B3GALT1: variants seen among roughly 807,000 people sequenced by gnomAD.
The protein encoded by B3GALT1 is beta-1,3-galactosyltransferase 1.
In B3GALT1, 10 loss-of-function variants were observed where a neutral mutation model predicts 23.2. The observed-to-expected ratio is 0.43, with a 90% CI of 0.27 to 0.73. B3GALT1 has a LOEUF of 0.73. Among genes scored for constraint, B3GALT1 ranks in the 30% least tolerant of loss-of-function variants. The pLI is 0.21. For synonymous variants in B3GALT1, 156 were observed against 141.5 expected, an observed-to-expected ratio of 1.10 and a Z score of -0.73; for missense variants, 299 against 405.4, an observed-to-expected ratio of 0.74 and a Z score of 2.25.
intron 4 of B3GALT1, among the ~76,000 whole-genome samples, chr2:167,822,327 A>G (rs1689124841): frequency 6.6e-6 from 1 of 152,230 alleles, no homozygotes; most frequent in African/African-American, 2.4e-5. Context: ...AGAGCTGGTT[A>G]TAATAGGCTG....
chr2:167,667,874 T>C (rs1042373989), intron 3 of B3GALT1, among the ~76,000 whole-genome samples: 2 of 152,244 alleles, frequency 1.3e-5, no homozygotes, highest in Non-Finnish European at 2.9e-5. Context: ...AGTTTTCAAC[T>C]TCTTTGCCTT....
rs751527173 is a variant in B3GALT1, at chr2:167,870,278, A to G, written c.*258A>G. 7.7e-5 allele frequency: 27 copies of G among 348,750 alleles called. No individual in the cohort carries two copies. Among genetic ancestry groups the G allele is most frequent in the Non-Finnish European group, 8.7e-5 (16 of 184,146 alleles). The allele number at this position is 348,750 out of a possible 1,614,324, so 21.6% of individuals were successfully genotyped here. On this transcript the variant is annotated 3_prime_UTR_variant, in exon 5 of 5. Coordinates refer to ENST00000392690, the MANE Select transcript of B3GALT1 (RefSeq NM_020981.4). Reference sequence around the variant, plus strand: ...TATTTATCTCAAAAAGTGACTTCCAAACAACTCTTAGGATTGACGTACCGT... The same window carrying G: ...TATTTATCTCAAAAAGTGACTTCCAGACAACTCTTAGGATTGACGTACCGT...
chr2:167,507,112 A>T (rs1171314337), intron 2 of B3GALT1, among the ~76,000 whole-genome samples: 4 of 152,152 alleles, frequency 2.6e-5, no homozygotes, highest in Admixed American at 1.3e-4. Flanking sequence ...AATATTTCTT[A>T]AAAAAATACA....
In B3GALT1 at chr2:167,850,629, G is replaced by T. The variant is rs569027731; in HGVS notation, c.-229-18182G>T. On this transcript the variant is annotated intron_variant, in intron 4 of 4. Transcript: ENST00000392690. ...CAGCATAATTCACAATTGCAAGATTGTGGAACCAACCCAAATGCCCATCAA... is the reference window on the plus strand; with the variant it reads ...CAGCATAATTCACAATTGCAAGATTTTGGAACCAACCCAAATGCCCATCAA... Among the ~76,000 whole-genome samples the T allele has an allele frequency of 3.3e-5, 5 of 152,326 alleles. No individual in the cohort carries two copies. In the South Asian group the frequency reaches 1.0e-3, roughly 32 times the overall value.
chr2:167,776,052 A>ACACACG (rs1574256814), intron 3 of B3GALT1, among the ~76,000 whole-genome samples: 1 of 150,814 alleles, frequency 6.6e-6, no homozygotes, highest in East Asian at 2.0e-4. Context: ...ACACACACAC[A>ACACACG]CACACACACA....
rs556903997 is a variant in B3GALT1 at position 167,339,269 on chromosome 2, G to A, written c.-511+45935G>A. 2.0e-5 allele frequency among the ~76,000 whole-genome samples: 3 copies of A among 152,144 alleles called. No individual in the cohort carries two copies. The South Asian group carries it at 6.2e-4, about 32-fold the overall frequency. ...CAACACAATTTAAATTTCAAAATAAGAATGTTGAATTTTTAAAAAGCAAGT... is the reference window on the plus strand; with the variant it reads ...CAACACAATTTAAATTTCAAAATAAAAATGTTGAATTTTTAAAAAGCAAGT... On this transcript the variant is annotated intron_variant, in intron 1 of 4. Coordinates refer to ENST00000392690, the MANE Select transcript of B3GALT1 (RefSeq NM_020981.4).
At chr2:167,609,912 A>G (rs1015390932) in intron 2 of B3GALT1, among the ~76,000 whole-genome samples, 7 of 152,124 alleles carry the variant, frequency 4.6e-5, no homozygotes, top group African/African-American at 1.2e-4. Flanking sequence ...TTGTGGGGCT[A>G]ATGGACCACC....
rs111836255 is a variant in B3GALT1 at position 167,818,221 on chromosome 2, TA to T, written c.-351-445del. ...TACAAAACTCAAAATATTTCACATT[TA>T]AAAAATCTATATTTCTGTTTTTCCC... On this transcript the variant is annotated intron_variant, in intron 3 of 4. Transcript: ENST00000392690. Among the ~76,000 whole-genome samples, 46 of 152,350 alleles carry T rather than the reference TA, an allele frequency of 3.0e-4. 1 individual carries two copies. Among genetic ancestry groups the T allele is most frequent in the African/African-American group, 1.1e-3 (46 of 41,586 alleles).
chr2:167,408,420 A>G (rs377278160), intron 1 of B3GALT1, among the ~76,000 whole-genome samples: 68 of 152,302 alleles, frequency 4.5e-4, no homozygotes, highest in African/African-American at 1.5e-3. Context: ...CATACTGAAC[A>G]GGAAAGTATT....
intron 1 of B3GALT1, among the ~76,000 whole-genome samples, chr2:167,323,961 A>G (rs1197717490): frequency 1.3e-5 from 2 of 152,080 alleles, no homozygotes; most frequent in South Asian, 2.1e-4. Flanking sequence ...GCCCAATCCC[A>G]TTTTGAAATT....
chr2:167,464,160 T>A (rs1451422972), intron 1 of B3GALT1, among the ~76,000 whole-genome samples: 7 of 145,268 alleles, frequency 4.8e-5, no homozygotes, highest in Admixed American at 4.7e-4. Flanking sequence ...TCCTGTGCAA[T>A]TTTTTTTTTT....
chr2:167,413,371 A>C (rs1442985024), intron 1 of B3GALT1, among the ~76,000 whole-genome samples: 2 of 152,088 alleles, frequency 1.3e-5, no homozygotes, highest in African/African-American at 4.8e-5. Flanking sequence ...TGATTTAAAC[A>C]TAACAGTGGT....
At chr2:167,574,438 A>G (rs1684349620) in intron 2 of B3GALT1, among the ~76,000 whole-genome samples, 1 of 151,740 alleles carries the variant, frequency 6.6e-6, no homozygotes, top group Non-Finnish European at 1.5e-5. Flanking sequence ...GAATATTGAA[A>G]GAAGGGCTGA....
At chr2:167,865,076 C>T (rs1690184814) in intron 4 of B3GALT1, among the ~76,000 whole-genome samples, 1 of 152,114 alleles carries the variant, frequency 6.6e-6, no homozygotes, top group South Asian at 2.1e-4. Context: ...TTTATGCAGT[C>T]CCTTCCCCCA....
At chr2:167,714,329 T>C (rs528639502) in intron 3 of B3GALT1, 6 of 1,496,060 alleles carry the variant, frequency 4.0e-6, no homozygotes, top group East Asian at 4.5e-5. Flanking sequence ...AGTTGACCTA[T>C]CACAGCTTGG....
chr2:167,806,201 T>G lies in B3GALT1; in HGVS notation c.-351-12471T>G, dbSNP rs569994106. On this transcript the variant is annotated intron_variant, in intron 3 of 4. Transcript: ENST00000392690. ...TTTGTATCCTGAGACTTTGCTGAAG[T>G]TGCCCATCAGCTTAAGGAGATTTTG... Among the ~76,000 whole-genome samples, 387 of 152,356 alleles carry G rather than the reference T, an allele frequency of 2.5e-3. 2 individuals are homozygous for G. Among genetic ancestry groups the G allele is most frequent in the Non-Finnish European group, 3.9e-3 (265 of 68,022 alleles).
At chr2:167,609,080 C>T (rs1227805289) in intron 2 of B3GALT1, among the ~76,000 whole-genome samples, 2 of 152,032 alleles carry the variant, frequency 1.3e-5, no homozygotes, top group South Asian at 2.1e-4. Context: ...GAAAATGGGA[C>T]CCATGACTTA....
chr2:167,719,126 G>A (rs1294800221), intron 3 of B3GALT1, among the ~76,000 whole-genome samples: 2 of 152,064 alleles, frequency 1.3e-5, no homozygotes, highest in Non-Finnish European at 2.9e-5. Context: ...GTAAAATAGT[G>A]GCATATTCAG....
intron 1 of B3GALT1, among the ~76,000 whole-genome samples, chr2:167,400,860 A>C (rs1434873255): frequency 1.3e-5 from 2 of 152,170 alleles, no homozygotes; most frequent in Non-Finnish European, 2.9e-5. Context: ...ATTCACAGAC[A>C]GGAAACAGAA....
Sources: allele counts gnomAD v4.1 joint callset (sites outside exome capture counted in the v4.1 genomes callset), GRCh38; gene constraint gnomAD v4.1.1; transcripts MANE v1.5; gene names NCBI Gene and HGNC (gene_info 2026-07-23, HGNC 2026-07-21).